The following MYRIP variants were observed in gnomAD, a reference collection of about 807,000 sequenced individuals.
MYRIP encodes the protein myosin VIIA and Rab interacting protein.
MYRIP carries 49 observed loss-of-function variants against 98.0 expected under a neutral mutation model. The observed-to-expected ratio is 0.50, with a 90% CI of 0.40 to 0.63. The LOEUF (loss-of-function observed/expected upper bound fraction) is 0.63, where lower values mean the gene tolerates loss of function less well. Ranked by LOEUF, MYRIP falls within the 30% of genes least tolerant of loss-of-function variation. The pLI is 0.00. For missense variants in MYRIP, 1,004 were observed against 1,058.2 expected (o/e 0.95, Z 0.71); for synonymous variants, 404 against 409.5 (o/e 0.99, Z 0.16).
intron 5 of MYRIP, among the ~76,000 whole-genome samples, chr3:40,164,708 C>G (rs1358190921): frequency 6.6e-6 from 1 of 152,214 alleles, no homozygotes; most frequent in Non-Finnish European, 1.5e-5. Flanking sequence ...TTCCCTCCTA[C>G]CCTTGCCAAC....
rs559846195 is a variant in MYRIP, at chr3:39,872,263, C to G, written c.-30-28524C>G. Among the ~76,000 whole-genome samples the G allele has an allele frequency of 7.4e-4, 112 of 151,634 alleles. 1 individual carries two copies. The highest frequency in any genetic ancestry group is 2.6e-3 in the African/African-American group (108 of 41,382). Reference sequence around the variant, plus strand: ...TCTATACGCTTTCGGTCTGATTTTTCTTTCTTTCTTTTTTTTAAAGATCAT... The same window carrying G: ...TCTATACGCTTTCGGTCTGATTTTTGTTTCTTTCTTTTTTTTAAAGATCAT... On this transcript the variant is annotated intron_variant, in intron 1 of 16. Coordinates refer to ENST00000302541, the MANE Select transcript of MYRIP (RefSeq NM_015460.4).
At chr3:39,941,407 TG>T (rs1944780795) in intron 2 of MYRIP, among the ~76,000 whole-genome samples, 1 of 151,870 alleles carries the variant, frequency 6.6e-6, no homozygotes, top group African/African-American at 2.4e-5. Context: ...CCTCCAACAT[TG>T]GGAATCACAT....
rs576593919 is a variant in MYRIP at position 39,867,694 on chromosome 3, T to TA, written c.-30-33092dup. ...AGAAAAGGGAATCCATGTGCACTGT[T>TA]ATTGGAAATGTAAATTGGTACGGCC... On this transcript the variant is annotated intron_variant, in intron 1 of 16. Coordinates refer to ENST00000302541, the MANE Select transcript of MYRIP (RefSeq NM_015460.4). 1.2e-3 allele frequency among the ~76,000 whole-genome samples: 179 copies of TA among 152,360 alleles called. 2 individuals carry two copies. The South Asian group carries it at 0.036, about 30-fold the overall frequency.
At chr3:40,121,530 C>A (rs1299125330) in intron 3 of MYRIP, among the ~76,000 whole-genome samples, 1 of 152,108 alleles carries the variant, frequency 6.6e-6, no homozygotes. Flanking sequence ...CACATCCATT[C>A]CCCTGGGTAC....
intron 3 of MYRIP, among the ~76,000 whole-genome samples, chr3:40,068,293 A>G (rs939162074): frequency 1.3e-5 from 2 of 152,220 alleles, no homozygotes; most frequent in African/African-American, 4.8e-5. Flanking sequence ...AAACACACCA[A>G]TGTCAAGTTC....
chr3:39,816,654 C>T (rs976789269), intron 1 of MYRIP, among the ~76,000 whole-genome samples: 9 of 152,164 alleles, frequency 5.9e-5, no homozygotes, highest in South Asian at 4.2e-4. Context: ...AGGGGGAGGC[C>T]GGCCCAAATG....
chr3:39,986,021 C>A (rs1048805610), intron 2 of MYRIP, among the ~76,000 whole-genome samples: 3 of 152,070 alleles, frequency 2.0e-5, no homozygotes, highest in East Asian at 1.9e-4. Context: ...GTGAACAGGC[C>A]ACCTACAAAA....
chr3:40,252,494 C>G (rs1953407316), intron 16 of MYRIP, among the ~76,000 whole-genome samples: 1 of 152,176 alleles, frequency 6.6e-6, no homozygotes, highest in Admixed American at 6.5e-5. Flanking sequence ...AATTTTTACC[C>G]TGGCACAATA....
At chr3:40,043,104 T>C (rs1373580047) in intron 2 of MYRIP, among the ~76,000 whole-genome samples, 2 of 152,190 alleles carry the variant, frequency 1.3e-5, no homozygotes. Flanking sequence ...AAATCATAAG[T>C]TGAACCATTA....
chr3:39,977,161 A>G (rs1945776978), intron 2 of MYRIP, among the ~76,000 whole-genome samples: 1 of 152,130 alleles, frequency 6.6e-6, no homozygotes, highest in South Asian at 2.1e-4. Context: ...AAAACTGCCC[A>G]CTTCCCTCCT....
At chr3:39,840,937 T>C (rs1179490267) in intron 1 of MYRIP, among the ~76,000 whole-genome samples, 1 of 152,198 alleles carries the variant, frequency 6.6e-6, no homozygotes, top group Non-Finnish European at 1.5e-5. Context: ...AAATTATGTG[T>C]CTTGGGGTTG....
chr3:40,222,783 T>C (rs909895563), intron 11 of MYRIP, among the ~76,000 whole-genome samples: 1 of 152,216 alleles, frequency 6.6e-6, no homozygotes, highest in Non-Finnish European at 1.5e-5. Flanking sequence ...AAAGAACCTG[T>C]ACAAGAATAT....
chr3:39,944,003 A>C (rs1025207396), intron 2 of MYRIP, among the ~76,000 whole-genome samples: 1 of 152,140 alleles, frequency 6.6e-6, no homozygotes, highest in African/African-American at 2.4e-5. Context: ...TCACACTCTC[A>C]TTCCACACAG....
chr3:39,844,150 C>G (rs537416202), intron 1 of MYRIP, among the ~76,000 whole-genome samples: 2 of 152,326 alleles, frequency 1.3e-5, no homozygotes, highest in East Asian at 1.9e-4. Flanking sequence ...CCCAGATCTC[C>G]TTATCCTTGA....
chr3:39,912,802 G>A (rs545043352), intron 2 of MYRIP, among the ~76,000 whole-genome samples: 1 of 152,334 alleles, frequency 6.6e-6, no homozygotes, highest in East Asian at 1.9e-4. Flanking sequence ...CACTTTGAGA[G>A]GCTGAGGCAG....
intron 1 of MYRIP, among the ~76,000 whole-genome samples, chr3:39,843,777 AT>A (rs370443770): frequency 1.8e-4 from 28 of 152,184 alleles, no homozygotes; most frequent in African/African-American, 6.8e-4. Flanking sequence ...GTATAGTGTA[AT>A]CACTCTGCCA....
chr3:40,260,303 A>AGTCAT lies in MYRIP; in HGVS notation c.*2138_*2142dup, dbSNP rs1953725749. 2 of 152,244 alleles carry AGTCAT rather than the reference A, an allele frequency of 1.3e-5. No individual in the cohort carries two copies. Among genetic ancestry groups the AGTCAT allele is most frequent in the African/African-American group, 4.8e-5 (2 of 41,462 alleles). 9.4% of individuals were successfully genotyped at this position (152,244 alleles called of 1,614,324 possible). On this transcript the variant is annotated 3_prime_UTR_variant, in exon 17 of 17. Coordinates refer to ENST00000302541, the MANE Select transcript of MYRIP (RefSeq NM_015460.4). ...ACTGTCAAGAGAAATGATAAGTAAAAGTCATTTATGAAAATAAAGATTGTG... is the reference window on the plus strand; with the variant it reads ...ACTGTCAAGAGAAATGATAAGTAAAAGTCATGTCATTTATGAAAATAAAGATTGTG...
intron 1 of MYRIP, among the ~76,000 whole-genome samples, chr3:39,898,070 C>T (rs530185725): frequency 6.6e-4 from 101 of 152,190 alleles, no homozygotes; most frequent in African/African-American, 2.4e-3. Context: ...TCTTTATGCT[C>T]ATCAGGAAGC....
intron 1 of MYRIP, among the ~76,000 whole-genome samples, chr3:39,826,599 G>T (rs1399190868): frequency 6.6e-6 from 1 of 152,056 alleles, no homozygotes; most frequent in Non-Finnish European, 1.5e-5. Flanking sequence ...AATGTTATAT[G>T]CGCTGATGAA....
Sources: allele counts gnomAD v4.1 joint callset (sites outside exome capture counted in the v4.1 genomes callset), GRCh38; gene constraint gnomAD v4.1.1; transcripts MANE v1.5; gene names NCBI Gene and HGNC (gene_info 2026-07-23, HGNC 2026-07-21).